Variants in LACTB2 observed in about 807,000 individuals in gnomAD.
LACTB2 encodes lactamase beta 2.
LACTB2 carries 32 observed loss-of-function variants against 34.8 expected under a neutral mutation model. That is an observed-to-expected ratio of 0.92 (90% confidence interval 0.69 to 1.24). LACTB2 has a LOEUF of 1.24. Ranked by LOEUF, LACTB2 falls within the 50% of genes most tolerant of loss-of-function variation. LACTB2 has a pLI of 0.00. For synonymous variants in LACTB2, 120 were observed against 117.5 expected (o/e 1.02, Z -0.14); for missense variants, 320 against 345.0 (o/e 0.93, Z 0.57).
Position 70,640,995 on chromosome 8 carries a change from G to C in LACTB2, c.648C>G (p.His216Gln). 2 of 1,607,588 alleles carry C rather than the reference G, an allele frequency of 1.2e-6. No homozygotes were observed. The highest frequency in any genetic ancestry group is 1.3e-5 in the African/African-American group (1 of 74,712). ...AEAKIQQYIS[H>Q]RNIREQQILT... Reference sequence around the variant, plus strand: ...GAATTTGCTGCTCTCGAATATTTCTGTGAGAAATGTATTGTTGAATTTTAG... The same window carrying C: ...GAATTTGCTGCTCTCGAATATTTCTCTGAGAAATGTATTGTTGAATTTTAG... Residue 216 changes from histidine to glutamine, a missense_variant, in exon 5 of 7, where the codon CAC becomes CAG. By Grantham distance (24) the His-to-Gln change is conservative (BLOSUM62 0). Transcript: ENST00000276590.
chr8:70,660,244 G>A (rs1448427797), intron 2 of LACTB2: 5 of 253,888 alleles, frequency 2.0e-5, no homozygotes, highest in Admixed American at 5.2e-5. Context: ...ACACACCACC[G>A]TCCCTGGCAT....
chr8:70,660,887 C>A (rs1312057187), intron 2 of LACTB2: 1 of 456,206 alleles, frequency 2.2e-6, no homozygotes, highest in Admixed American at 2.3e-5. Flanking sequence ...AAGCCATCTG[C>A]CCACCTTAGC....
At position 70,669,109 on chromosome 8, in the gene LACTB2, T is replaced by G; in HGVS notation, c.12A>C (p.Val4=). ...TGGACAGCCGCTCGACGCGCTGCAGTACAGCAGCCATTCCCGCCTCAGCCG... is the reference window on the plus strand; with the variant it reads ...TGGACAGCCGCTCGACGCGCTGCAGGACAGCAGCCATTCCCGCCTCAGCCG... MAA[V]LQRVERLSNR... is the part of the protein sequence containing the mutation. Residue 4 remains valine (V), a synonymous_variant, in exon 1 of 7, where the codon GTA becomes GTC. Transcript: ENST00000276590. 6.2e-7 allele frequency: 1 copy of G among 1,606,418 alleles called. No homozygotes were observed. The highest frequency in any genetic ancestry group is 1.1e-5 in the South Asian group (1 of 90,006).
intron 3 of LACTB2, among the ~76,000 whole-genome samples, chr8:70,656,594 T>C (rs962136390): frequency 7.9e-5 from 12 of 152,206 alleles, no homozygotes; most frequent in African/African-American, 2.4e-4. Flanking sequence ...CCTTACAGTA[T>C]AGTTTAAAAT....
Position 70,637,673 on chromosome 8 carries a change from A to T in LACTB2, c.*187T>A. On this transcript the variant is annotated 3_prime_UTR_variant, in exon 7 of 7. Coordinates refer to ENST00000276590, the MANE Select transcript of LACTB2 (RefSeq NM_016027.3). Reference sequence around the variant, plus strand: ...AAACGTTAGAAGACAAGGTTAGAGAAATAACCTATCATATGGTTGTATAGT... The same window carrying T: ...AAACGTTAGAAGACAAGGTTAGAGATATAACCTATCATATGGTTGTATAGT... 1 of 365,698 alleles carries T rather than the reference A, an allele frequency of 2.7e-6. No individual in the cohort carries two copies. The highest frequency in any genetic ancestry group is 4.1e-5 in the East Asian group (1 of 24,268). The allele number at this position is 365,698 out of a possible 1,614,324, so 22.7% of individuals were successfully genotyped here.
chr8:70,648,177 G>A (rs1818288010), intron 3 of LACTB2, among the ~76,000 whole-genome samples: 1 of 152,130 alleles, frequency 6.6e-6, no homozygotes, highest in Non-Finnish European at 1.5e-5. Flanking sequence ...AAAGCCTACG[G>A]AAGACTCCCC....
At chr8:70,666,579 G>A (rs1270788409) in intron 1 of LACTB2, among the ~76,000 whole-genome samples, 1 of 152,186 alleles carries the variant, frequency 6.6e-6, no homozygotes, top group Non-Finnish European at 1.5e-5. Context: ...AGGCCTTCCA[G>A]TTTTAATTCC....
intron 1 of LACTB2, among the ~76,000 whole-genome samples, chr8:70,665,288 C>T (rs955922689): frequency 2.6e-5 from 4 of 152,084 alleles, no homozygotes; most frequent in Non-Finnish European, 5.9e-5. Flanking sequence ...GGTCTATGAA[C>T]GATTTATTCA....
At chr8:70,638,884 C>T (rs1307965774) in intron 5 of LACTB2, among the ~76,000 whole-genome samples, 22 of 151,226 alleles carry the variant, frequency 1.5e-4, no homozygotes, top group East Asian at 2.0e-4. Flanking sequence ...GGACTACAGG[C>T]GAGCACCACC....
chr8:70,661,254 G>C, intron 2 of LACTB2: 1 of 336,004 alleles, frequency 3.0e-6, no homozygotes. Flanking sequence ...GGTGGGATGA[G>C]GAAATAAAGA....
chr8:70,644,676 CA>C (rs1818239973), intron 3 of LACTB2, among the ~76,000 whole-genome samples: 1 of 152,012 alleles, frequency 6.6e-6, no homozygotes, highest in African/African-American at 2.4e-5. Flanking sequence ...GACAGGATCT[CA>C]CAATATTGAC....
chr8:70,662,150 AAAAT>A (rs1818488061), intron 1 of LACTB2: 1 of 300,434 alleles, frequency 3.3e-6, no homozygotes. Flanking sequence ...CATAGCAATT[AAAAT>A]AAACATGGCA....
chr8:70,661,065 C>T (rs1243784901), intron 2 of LACTB2: 10 of 454,380 alleles, frequency 2.2e-5, no homozygotes, highest in Non-Finnish European at 4.0e-5. Context: ...CAGGCATGAG[C>T]CACTGCACCC....
At chr8:70,661,000 G>C in intron 2 of LACTB2, 1 of 450,784 alleles carries the variant, frequency 2.2e-6, no homozygotes, top group Non-Finnish European at 4.4e-6. Flanking sequence ...AGCTGGTCTT[G>C]AACTCCTGAG....
chr8:70,663,961 A>G (rs1818510461), intron 1 of LACTB2, among the ~76,000 whole-genome samples: 1 of 152,218 alleles, frequency 6.6e-6, no homozygotes, highest in Non-Finnish European at 1.5e-5. Flanking sequence ...AATACATTGT[A>G]CTGCACTTAG....
intron 3 of LACTB2, among the ~76,000 whole-genome samples, chr8:70,647,254 T>A (rs183919805): frequency 2.1e-4 from 32 of 151,716 alleles, no homozygotes; most frequent in Non-Finnish European, 3.4e-4. Flanking sequence ...TCTATATATA[T>A]AATTTTTTTT....
Position 70,657,891 on chromosome 8 carries a change from A to C in LACTB2, c.287-9T>G. On this transcript the variant is annotated splice_polypyrimidine_tract_variant and intron_variant, in intron 2 of 6. Transcript: ENST00000276590. ...AATGCAATAGGTAGTGTCTAGTCATAAAACATATAAAATATATTAATTCAC... is the reference window on the plus strand; with the variant it reads ...AATGCAATAGGTAGTGTCTAGTCATCAAACATATAAAATATATTAATTCAC... 1 of 1,555,960 alleles carries C rather than the reference A, an allele frequency of 6.4e-7. No homozygotes were observed. Among genetic ancestry groups the C allele is most frequent in the Non-Finnish European group, 8.8e-7 (1 of 1,137,266 alleles).
At position 70,661,800 on chromosome 8, in the gene LACTB2, C is replaced by T. The variant is rs138363008; in HGVS notation, c.220G>A (p.Val74Ile). 1.5e-5 allele frequency: 25 copies of T among 1,613,584 alleles called. No homozygotes were observed. In the African/African-American group the frequency reaches 2.7e-4, roughly 17 times the overall value. Reference protein sequence around the residue: ...TEFNTAIQEIVVTHWHRDHSG... With the variant: ...TEFNTAIQEIIVTHWHRDHSG... The stretch of plus-strand genomic sequence containing the variant: ...TGATCTCGGTGCCAGTGAGTCACTA[C>T]AATTTCCTGGATTGCTGTGTTAAAT... Residue 74 changes from valine to isoleucine, a missense_variant, in exon 2 of 7, where the codon GTA becomes ATA. Transcript: ENST00000276590.
chr8:70,669,142 G>C lies in LACTB2; in HGVS notation c.-22C>G, dbSNP rs371264144. On this transcript the variant is annotated 5_prime_UTR_variant, in exon 1 of 7. Coordinates refer to ENST00000276590, the MANE Select transcript of LACTB2 (RefSeq NM_016027.3). ...CCATTCCCGCCTCAGCCGCCCGCCG[G>C]CGTGTCGCCTATCTGGATACTCCAG... 1 of 1,611,436 alleles carries C rather than the reference G, an allele frequency of 6.2e-7. No individual in the cohort carries two copies.
Sources: gnomAD v4.1 joint callset for allele counts (sites outside exome capture counted in the v4.1 genomes callset) on GRCh38, gnomAD v4.1.1 for gene constraint, MANE v1.5 for transcripts, NCBI Gene and HGNC (gene_info 2026-07-23, HGNC 2026-07-21) for gene names.